GYPB: variants seen among roughly 807,000 people sequenced by gnomAD.
The protein encoded by GYPB is glycophorin-B.
GYPB carries 13 observed loss-of-function variants against 15.3 expected under a neutral mutation model. The observed-to-expected ratio is 0.85, with a 90% CI of 0.55 to 1.35. GYPB has a LOEUF of 1.35. Among genes scored for constraint, GYPB ranks in the 40% most tolerant of loss-of-function variants. GYPB has a pLI of 0.00. For synonymous variants in GYPB, 38 were observed against 36.9 expected, an observed-to-expected ratio of 1.03 and a Z score of -0.11; for missense variants, 131 against 108.3, an observed-to-expected ratio of 1.21 and a Z score of -0.93.
Position 143,996,188 on chromosome 4 carries a change from A to G in GYPB, c.*111T>C. The G allele has an allele frequency of 1.9e-6, 3 of 1,541,492 alleles. No homozygotes were observed. Among genetic ancestry groups the G allele is most frequent in the Admixed American group, 2.0e-5 (1 of 50,758 alleles). The stretch of plus-strand genomic sequence containing the variant: ...AGGAGAACAGGGAATTAGGATAGCC[A>G]GGGGTAGGGGCATAAGCAAAGGAAT... On this transcript the variant is annotated 3_prime_UTR_variant, in exon 5 of 5. Transcript: ENST00000502664.
chr4:144,014,992 A>G (rs1164160237), intron 1 of GYPB, among the ~76,000 whole-genome samples: 2 of 151,444 alleles, frequency 1.3e-5, no homozygotes, highest in African/African-American at 2.5e-5. Context: ...ACAAAGAAAG[A>G]TGACATCATT....
intron 1 of GYPB, among the ~76,000 whole-genome samples, chr4:144,013,531 A>C (rs1430386855): frequency 6.6e-6 from 1 of 151,392 alleles, no homozygotes; most frequent in Non-Finnish European, 1.5e-5. Context: ...AATGTCCATC[A>C]ATGATAGACT....
intron 1 of GYPB, among the ~76,000 whole-genome samples, chr4:144,010,527 T>A (rs1000030451): frequency 6.6e-5 from 10 of 151,342 alleles, no homozygotes; most frequent in South Asian, 4.2e-4. Context: ...CACACAGAAT[T>A]AGGGAAGGTA....
At chr4:144,012,290 G>C (rs867886438) in intron 1 of GYPB, among the ~76,000 whole-genome samples, 1 of 151,568 alleles carries the variant, frequency 6.6e-6, no homozygotes, top group East Asian at 1.9e-4. Context: ...CAAGTGCACA[G>C]ATTCTGCAGT....
intron 1 of GYPB, among the ~76,000 whole-genome samples, chr4:144,011,118 TG>T (rs1728195768): frequency 6.6e-6 from 1 of 151,472 alleles, no homozygotes; most frequent in Admixed American, 6.6e-5. Flanking sequence ...CAATGGCTCA[TG>T]CCTGTAATCC....
At chr4:144,000,409 G>C in intron 2 of GYPB, 1 of 1,135,384 alleles carries the variant, frequency 8.8e-7, no homozygotes, top group Non-Finnish European at 1.1e-6. Flanking sequence ...AGGGGAAACA[G>C]TTGTAACAGA....
Position 143,998,045 on chromosome 4 carries a change from A to T in GYPB, c.176-411T>A, listed in dbSNP as rs1727421402. Among the ~76,000 whole-genome samples, 4 of 151,502 alleles carry T rather than the reference A, an allele frequency of 2.6e-5. No homozygotes were observed. In the South Asian group the frequency reaches 8.3e-4, roughly 31 times the overall value. On this transcript the variant is annotated intron_variant, in intron 3 of 4. Coordinates refer to ENST00000502664, the MANE Select transcript of GYPB (RefSeq NM_002100.6). ...TAACATATAAAAGAGCATTGAACAG[A>T]TCATAGAATCATAATTTTGGAAAGA...
At position 143,996,324 on chromosome 4, in the gene GYPB, A is replaced by C. The variant is rs1292848665; in HGVS notation, c.271-20T>G. ...TCATGCCTGTGATAAAAAGACAAGA[A>C]GTTTCCACTTCAGCCTCTGCTTGAC... On this transcript the variant is annotated intron_variant, in intron 4 of 4. Transcript: ENST00000502664. 101 of 1,550,564 alleles carry C rather than the reference A, an allele frequency of 6.5e-5. No individual in the cohort carries two copies. Among genetic ancestry groups the C allele is most frequent in the Non-Finnish European group, 8.5e-5 (98 of 1,147,052 alleles).
intron 1 of GYPB, among the ~76,000 whole-genome samples, chr4:144,014,471 A>C (rs1478003119): frequency 6.6e-6 from 1 of 151,722 alleles, no homozygotes; most frequent in Non-Finnish European, 1.5e-5. Context: ...AAAGGAATGA[A>C]ATACTGATAC....
At chr4:144,014,893 C>G (rs1012424992) in intron 1 of GYPB, among the ~76,000 whole-genome samples, 2 of 151,404 alleles carry the variant, frequency 1.3e-5, no homozygotes, top group Non-Finnish European at 2.9e-5. Flanking sequence ...CAGAACCTGC[C>G]TATATATGGA....
At chr4:144,007,737 G>A (rs576385342) in intron 1 of GYPB, among the ~76,000 whole-genome samples, 2 of 151,610 alleles carry the variant, frequency 1.3e-5, no homozygotes, top group African/African-American at 2.4e-5. Context: ...AATTATCTGA[G>A]CCTCAGTTTT....
chr4:144,013,966 T>C (rs1283094784), intron 1 of GYPB, among the ~76,000 whole-genome samples: 1 of 151,536 alleles, frequency 6.6e-6, no homozygotes, highest in Non-Finnish European at 1.5e-5. Flanking sequence ...TCTCCAAAGA[T>C]ATGCAAAATG....
intron 1 of GYPB, among the ~76,000 whole-genome samples, chr4:144,011,557 G>A (rs929908866): frequency 2.0e-5 from 3 of 150,994 alleles, no homozygotes; most frequent in African/African-American, 7.4e-5. Context: ...CAATAATATA[G>A]CAACGAGAAA....
rs766042383 is a variant in GYPB, at chr4:144,018,224, TA to T, written c.37+1026del. The stretch of plus-strand genomic sequence containing the variant: ...CCTGCATTTTAAAGACGAGGACACA[TA>T]AAAATGTGGGCCCTTAATTTGCCTT... On this transcript the variant is annotated intron_variant, in intron 1 of 4. Coordinates refer to ENST00000502664, the MANE Select transcript of GYPB (RefSeq NM_002100.6). 1.2e-4 allele frequency among the ~76,000 whole-genome samples: 18 copies of T among 151,556 alleles called. No homozygotes were observed. In the South Asian group the frequency reaches 1.2e-3, roughly 10 times the overall value.
At chr4:144,014,551 T>C (rs1456039578) in intron 1 of GYPB, among the ~76,000 whole-genome samples, 1 of 151,412 alleles carries the variant, frequency 6.6e-6, no homozygotes, top group Non-Finnish European at 1.5e-5. Context: ...TATTATATGA[T>C]TCCATTTATA....
In GYPB at chr4:144,015,833, G is replaced by T. The variant is rs184943613; in HGVS notation, c.37+3418C>A. On this transcript the variant is annotated intron_variant, in intron 1 of 4. Coordinates refer to ENST00000502664, the MANE Select transcript of GYPB (RefSeq NM_002100.6). ...TTATTGGGGTTTACAGATGAAAAAT[G>T]ATTGTAGATACCATCTACTCGGTGC... 1.2e-3 allele frequency among the ~76,000 whole-genome samples: 189 copies of T among 151,266 alleles called. 5 individuals are homozygous for T. The highest frequency in any genetic ancestry group is 4.3e-3 in the African/African-American group (176 of 40,636).
chr4:144,003,398 C>CA (rs1727726867), intron 1 of GYPB, among the ~76,000 whole-genome samples: 1 of 151,276 alleles, frequency 6.6e-6, no homozygotes, highest in African/African-American at 2.5e-5. Flanking sequence ...CTTCTGCTCA[C>CA]AGAAGGTCCT....
At chr4:144,016,588 C>G (rs530170854) in intron 1 of GYPB, among the ~76,000 whole-genome samples, 3 of 151,254 alleles carry the variant, frequency 2.0e-5, no homozygotes, top group Non-Finnish European at 4.4e-5. Context: ...ATACCAGTCC[C>G]TTTGTTTCCT....
chr4:143,997,734 A>T (rs1220229371), intron 3 of GYPB, 100 bp from the exon 4 acceptor site: 12 of 719,974 alleles, frequency 1.7e-5, no homozygotes, highest in Non-Finnish European at 3.1e-5. Flanking sequence ...CTTGCCTTTT[A>T]ATACAAAGTA....
Sources: gnomAD v4.1 joint callset for allele counts (sites outside exome capture counted in the v4.1 genomes callset) on GRCh38, gnomAD v4.1.1 for gene constraint, MANE v1.5 for transcripts, NCBI Gene and HGNC (gene_info 2026-07-23, HGNC 2026-07-21) for gene names.